ZNF571: variants seen among roughly 807,000 people sequenced by gnomAD.
ZNF571 encodes the protein zinc finger protein 571.
Under a neutral mutation model 7.7 loss-of-function variants are expected in ZNF571, and 4 were observed. That is an observed-to-expected ratio of 0.52 (90% CI 0.25 to 1.18). The LOEUF (loss-of-function observed/expected upper bound fraction) is 1.18, where lower values mean the gene tolerates loss of function less well. Among genes scored for constraint, ZNF571 ranks in the 50% most tolerant of loss-of-function variants. ZNF571 has a pLI of 0.14. For synonymous variants in ZNF571, 251 were observed against 232.4 expected (o/e 1.08, Z -0.73); for missense variants, 704 against 726.9 (o/e 0.97, Z 0.36).
At chr19:37,572,818 TTA>T (rs2043110716) in intron 3 of ZNF571, among the ~76,000 whole-genome samples, 1 of 152,216 alleles carries the variant, frequency 6.6e-6, no homozygotes, top group Admixed American at 6.5e-5. Flanking sequence ...TTTTTACCAA[TTA>T]CTATAACTAT....
chr19:37,588,130 C>CAAAA (rs2043745881), intron 1 of ZNF571, among the ~76,000 whole-genome samples: 2 of 109,572 alleles, frequency 1.8e-5, no homozygotes, highest in Non-Finnish European at 1.9e-5. Flanking sequence ...AAAAAAAAAT[C>CAAAA]CCATGGGTTA....
At chr19:37,590,202 C>G (rs573793318) in intron 1 of ZNF571, among the ~76,000 whole-genome samples, 1 of 151,848 alleles carries the variant, frequency 6.6e-6, no homozygotes, top group Non-Finnish European at 1.5e-5. Context: ...GTCAGGAGAT[C>G]AAGACCATCC....
intron 1 of ZNF571, among the ~76,000 whole-genome samples, chr19:37,589,954 A>C (rs1230042112): frequency 2.6e-5 from 4 of 151,772 alleles, no homozygotes; most frequent in Non-Finnish European, 4.4e-5. Flanking sequence ...CTACAAAATA[A>C]CAGGCCTGTA....
intron 1 of ZNF571, among the ~76,000 whole-genome samples, chr19:37,590,217 T>C (rs971121868): frequency 2.6e-5 from 4 of 151,572 alleles, no homozygotes; most frequent in Non-Finnish European, 5.9e-5. Context: ...CCATCCTGGC[T>C]AACACAGTGA....
In ZNF571 at chr19:37,565,724, C is replaced by T; in HGVS notation, c.704G>A (p.Gly235Asp). ...CNACGKAFIR[G>D]SQLTEHQRVH... ...TCTCTGATGTTCAGTGAGCTGTGAA[C>T]CACGAATAAAAGCTTTCCCACATGC... The change falls in exon 4 of 4, where the codon GGT becomes GAT. Residue 235 changes from glycine to aspartate, a missense_variant. Coordinates refer to ENST00000451802, the MANE Select transcript of ZNF571 (RefSeq NM_016536.5). The T allele has an allele frequency of 6.2e-7, 1 of 1,613,788 alleles. No individual in the cohort carries two copies. The highest frequency in any genetic ancestry group is 8.5e-7 in the Non-Finnish European group (1 of 1,179,900).
chr19:37,564,578 T>G lies in ZNF571; in HGVS notation c.*20A>C, dbSNP rs562278063. ...AAATAGATGAAGATTTTCTTAAATT[T>G]AATCACATTCAAGGCTTTCTCAATT... On this transcript the variant is annotated 3_prime_UTR_variant, in exon 4 of 4. Transcript: ENST00000451802. 1.3e-5 allele frequency: 19 copies of G among 1,457,944 alleles called. No individual in the cohort carries two copies. Among genetic ancestry groups the G allele is most frequent in the Middle Eastern group, 1.8e-4 (1 of 5,442 alleles). 90.3% of individuals were successfully genotyped at this position (1,457,944 alleles called of 1,614,324 possible). A position where few individuals can be genotyped will look rare whatever the true frequency, so the allele number is the denominator to read the frequency against.
At chr19:37,573,781 C>T (rs1232460983) in intron 3 of ZNF571, among the ~76,000 whole-genome samples, 1 of 148,346 alleles carries the variant, frequency 6.7e-6, no homozygotes, top group African/African-American at 2.5e-5. Context: ...TGCAGTGAGC[C>T]GTGACTGTGC....
At position 37,577,531 on chromosome 19, in the gene ZNF571, T is replaced by A. The variant is rs549643522; in HGVS notation, c.136+6440A>T. ...TTAAGGACAAAAAAAGCAAAGCTAA[T>A]CCTTTATACCTTTTATGTAATGAAT... On this transcript the variant is annotated intron_variant, in intron 3 of 3. Transcript: ENST00000451802. Among the ~76,000 whole-genome samples the A allele has an allele frequency of 1.1e-4, 16 of 152,284 alleles. No individual in the cohort carries two copies. The East Asian group carries it at 2.9e-3, about 28-fold the overall frequency.
At chr19:37,594,447 G>A (rs2043957827) in intron 1 of ZNF571, 1 of 152,312 alleles carries the variant, frequency 6.6e-6, no homozygotes. Flanking sequence ...CCAAAGTTAT[G>A]GTGCCGATTT....
At chr19:37,576,905 T>G (rs2043261164) in intron 3 of ZNF571, among the ~76,000 whole-genome samples, 1 of 152,206 alleles carries the variant, frequency 6.6e-6, no homozygotes, top group Non-Finnish European at 1.5e-5. Context: ...GCAGTGCTTA[T>G]ATCCCTTTTT....
intron 2 of ZNF571, 34 bp downstream of exon 2, chr19:37,586,634 T>C (rs200612719): frequency 1.1e-5 from 18 of 1,613,134 alleles, no homozygotes; most frequent in Admixed American, 6.7e-5. Context: ...AACAAAATGA[T>C]TGTACTTCAA....
intron 3 of ZNF571, among the ~76,000 whole-genome samples, chr19:37,578,167 G>A (rs2043311705): frequency 6.6e-6 from 1 of 152,088 alleles, no homozygotes; most frequent in African/African-American, 2.4e-5. Context: ...CACTCCCCAC[G>A]GCCAGAAATA....
chr19:37,566,653 G>A (rs968586891), intron 3 of ZNF571, among the ~76,000 whole-genome samples: 29 of 152,034 alleles, frequency 1.9e-4, no homozygotes, highest in Non-Finnish European at 2.2e-4. Context: ...TCAACATTAA[G>A]AATCTGACCA....
In ZNF571 at chr19:37,564,724, A is replaced by G; in HGVS notation, c.1704T>C (p.Ser568=). The G allele has an allele frequency of 1.9e-6, 3 of 1,613,616 alleles. No homozygotes were observed. The highest frequency in any genetic ancestry group is 2.5e-6 in the Non-Finnish European group (3 of 1,179,638). Residue 568 remains serine, a synonymous_variant, in exon 4 of 4, where the codon AGT becomes AGC. Coordinates refer to ENST00000451802, the MANE Select transcript of ZNF571 (RefSeq NM_016536.5). The part of the protein sequence containing the change: ...YECKECGRAF[S]RGSELTLHQR... Reference sequence around the variant, plus strand: ...GATGCAGAGTAAGTTCTGAGCCACGACTAAAGGCCCTCCCACATTCCTTAC... The same window carrying G: ...GATGCAGAGTAAGTTCTGAGCCACGGCTAAAGGCCCTCCCACATTCCTTAC...
chr19:37,593,157 T>C (rs1468161747), intron 1 of ZNF571, among the ~76,000 whole-genome samples: 1 of 152,148 alleles, frequency 6.6e-6, no homozygotes, highest in Non-Finnish European at 1.5e-5. Flanking sequence ...AACAGCATCA[T>C]GGTTATTTTA....
chr19:37,576,643 T>A (rs2043251559), intron 3 of ZNF571, among the ~76,000 whole-genome samples: 1 of 152,168 alleles, frequency 6.6e-6, no homozygotes, highest in Admixed American at 6.6e-5. Flanking sequence ...AAAACATGTT[T>A]AAGATTATAA....
intron 2 of ZNF571, chr19:37,585,287 G>T (rs1362135238): frequency 6.6e-6 from 1 of 152,204 alleles, no homozygotes; most frequent in Non-Finnish European, 1.5e-5. Flanking sequence ...CTGACTCAAT[G>T]ATAAAGAAAA....
In ZNF571 at chr19:37,589,372, C is replaced by T. The variant is rs76931097; in HGVS notation, c.-69-2627G>A. Reference sequence around the variant, plus strand: ...AAATGACAAAATGGGAGAAAATATGCGCAACTTAAATAAAAAACAGAGTCC... The same window carrying T: ...AAATGACAAAATGGGAGAAAATATGTGCAACTTAAATAAAAAACAGAGTCC... On this transcript the variant is annotated intron_variant, in intron 1 of 3. Coordinates refer to ENST00000451802, the MANE Select transcript of ZNF571 (RefSeq NM_016536.5). Among the ~76,000 whole-genome samples, 1,487 of 151,198 alleles carry T rather than the reference C, an allele frequency of 9.8e-3. 24 individuals carry two copies. The highest frequency in any genetic ancestry group is 0.035 in the African/African-American group (1,419 of 41,104).
Position 37,565,023 on chromosome 19 carries a change from G to A in ZNF571, c.1405C>T (p.His469Tyr). The A allele has an allele frequency of 6.2e-7, 1 of 1,613,458 alleles. No homozygotes were observed. The highest frequency in any genetic ancestry group is 8.5e-7 in the Non-Finnish European group (1 of 1,179,700). ...TTACATTCATAATGTTTCTCACCAT[G>A]AATTTTCTCATGTTGAGTAAGATAT... ...VAYLTQHEKI[H>Y]GEKHYECKEC... The change falls in exon 4 of 4, where the codon CAT becomes TAT. Residue 469 changes from histidine to tyrosine, a missense_variant. Transcript: ENST00000451802.
Sources: gnomAD v4.1 joint callset for allele counts (sites outside exome capture counted in the v4.1 genomes callset) on GRCh38, gnomAD v4.1.1 for gene constraint, MANE v1.5 for transcripts, NCBI Gene and HGNC (gene_info 2026-07-23, HGNC 2026-07-21) for gene names.